SLC26A11: variants seen among roughly 807,000 people sequenced by gnomAD.
SLC26A11 encodes the protein sodium-independent sulfate anion transporter.
In SLC26A11, 58 loss-of-function variants were observed where a neutral mutation model predicts 62.2. That is an observed-to-expected ratio of 0.93 (90% CI 0.76 to 1.16). SLC26A11 has a LOEUF of 1.16. Among genes scored for constraint, SLC26A11 ranks in the 50% most tolerant of loss-of-function variants. SLC26A11 has a pLI of 0.00. For missense variants in SLC26A11, 790 were observed against 794.3 expected (o/e 0.99, Z 0.06); for synonymous variants, 411 against 368.9 (o/e 1.11, Z -1.31).
rs2042459896 is a variant in SLC26A11, at chr17:80,228,021, A to G, written c.736+61A>G. 6.7e-7 allele frequency: 1 copy of G among 1,491,434 alleles called. No homozygotes were observed. Among genetic ancestry groups the G allele is most frequent in the Middle Eastern group, 1.7e-4 (1 of 5,820 alleles). The allele number at this position is 1,491,434 out of a possible 1,614,324, so 92.4% of individuals were successfully genotyped here. ...GGCTGCAGGTTGGGGTCACTTGGGG[A>G]GTCCTAGTCCCACCCTAGGGATTCT... On this transcript the variant is annotated intron_variant, in intron 7 of 17. Transcript: ENST00000361193. The surrounding 1 kb of genome is among the most constrained non-coding windows in gnomAD (Gnocchi z 4.1).
At chr17:80,245,358 C>T (rs1227065904) in intron 11 of SLC26A11, 102 bp downstream of exon 11, 7 of 1,169,574 alleles carry the variant, frequency 6.0e-6, no homozygotes, top group South Asian at 5.1e-5. Flanking sequence ...CCCCGTCCTC[C>T]ACTGTGAACG....
rs185539824 is a variant in SLC26A11 at position 80,221,343 on chromosome 17, G to C, written c.-13-205G>C. The C allele has an allele frequency of 3.5e-3, 1,816 of 518,928 alleles. 6 individuals are homozygous for C. Among genetic ancestry groups the C allele is most frequent in the Non-Finnish European group, 5.0e-3 (1,476 of 296,176 alleles). 32.1% of individuals were successfully genotyped at this position (518,928 alleles called of 1,614,324 possible). The stretch of plus-strand genomic sequence containing the variant: ...GCACGGGGGGGATTCAGGGAGAGAG[G>C]GTGATGAGGGACGGGGTGGGCCTTC... On this transcript the variant is annotated intron_variant, in intron 2 of 17. Transcript: ENST00000361193.
At chr17:80,242,607 T>A (rs1251521780) in intron 10 of SLC26A11, among the ~76,000 whole-genome samples, 2 of 152,228 alleles carry the variant, frequency 1.3e-5, no homozygotes, top group African/African-American at 4.8e-5. Flanking sequence ...CCAAGTTGCC[T>A]GCCTGTGGAT....
At position 80,252,474 on chromosome 17, in the gene SLC26A11, T is replaced by TGGAG. The variant is rs772445244; in HGVS notation, c.1730-150_1730-147dup. ...TACAGAGACTCAGGTGAGACCCTCA[T>TGGAG]GGAGTTAGTGACACTGGCCTGGGTG... is the stretch of plus-strand genomic sequence containing the variant. On this transcript the variant is annotated intron_variant, in intron 17 of 17. Transcript: ENST00000361193. This position sits in a 1 kb window ranked among gnomAD's most constrained non-coding sequence, Gnocchi z 5.2. The TGGAG allele has an allele frequency of 1.2e-5, 7 of 586,184 alleles. No homozygotes were observed. The highest frequency in any genetic ancestry group is 2.1e-5 in the Non-Finnish European group (7 of 337,188). 36.3% of individuals were successfully genotyped at this position (586,184 alleles called of 1,614,324 possible). A position where few individuals can be genotyped will look rare whatever the true frequency, so the allele number is the denominator to read the frequency against.
intron 9 of SLC26A11, among the ~76,000 whole-genome samples, chr17:80,238,820 GTTTTTTGTTTT>G (rs1429318992): frequency 6.9e-5 from 6 of 87,366 alleles, no homozygotes; most frequent in Non-Finnish European, 1.4e-4. Context: ...AGTTTTTTTT[GTTTTTTGTTTT>G]TTTTTTTTTT....
At chr17:80,224,378 C>CAT (rs1567944273) in intron 5 of SLC26A11, among the ~76,000 whole-genome samples, 7 of 127,824 alleles carry the variant, frequency 5.5e-5, no homozygotes, top group Admixed American at 7.8e-5. Flanking sequence ...TGAGTGCGCG[C>CAT]GCGCGTGTGT....
rs1211963884 is a variant in SLC26A11, at chr17:80,241,808, G to A, written c.1023G>A (p.Glu341=). 4 of 1,614,172 alleles carry A rather than the reference G, an allele frequency of 2.5e-6. No individual in the cohort carries two copies. The highest frequency in any genetic ancestry group is 1.3e-5 in the African/African-American group (1 of 75,040). Residue 341 remains glutamate, a synonymous_variant, in exon 10 of 18, where the codon GAG becomes GAA. Coordinates refer to ENST00000361193, the MANE Select transcript of SLC26A11 (RefSeq NM_001166347.2). ...ATTACCGCATCGATGCCAACCAGGAGCTGCTGGCCATCGGTAAGACCCCAG... is the reference window on the plus strand; with the variant it reads ...ATTACCGCATCGATGCCAACCAGGAACTGCTGGCCATCGGTAAGACCCCAG... ...QNNYRIDANQ[E]LLAIGLTNML...
rs149490752 is a variant in SLC26A11, at chr17:80,246,660, G to A, written c.1294+11G>A. On this transcript the variant is annotated intron_variant, in intron 13 of 17. Coordinates refer to ENST00000361193, the MANE Select transcript of SLC26A11 (RefSeq NM_001166347.2). This position sits in a 1 kb window ranked among gnomAD's most constrained non-coding sequence, Gnocchi z 4.4. ...TCTGGCGTGTTAAGAGTACGTCCTTGTCCTACAGGGGAGAGCGCTGTGATG... is the reference window on the plus strand; with the variant it reads ...TCTGGCGTGTTAAGAGTACGTCCTTATCCTACAGGGGAGAGCGCTGTGATG... 453 of 1,612,600 alleles carry A rather than the reference G, an allele frequency of 2.8e-4. 2 individuals are homozygous for A. The African/African-American group carries it at 5.5e-3, about 19-fold the overall frequency.
rs1043470923 is a variant in SLC26A11, at chr17:80,248,687, G to C, written c.1522+13G>C. ...CGGGCCCTGGAAGGTGCATGGGCGG[G>C]GGTCAAGGTGGTCTGAGGTCACTCC... is the stretch of plus-strand genomic sequence containing the variant. On this transcript the variant is annotated intron_variant, in intron 15 of 17. Transcript: ENST00000361193. The C allele has an allele frequency of 1.9e-6, 3 of 1,557,440 alleles. No individual in the cohort carries two copies. The highest frequency in any genetic ancestry group is 1.9e-5 in the Admixed American group (1 of 52,004).
intron 14 of SLC26A11, 38 bp from the exon 15 acceptor site, chr17:80,248,537 C>A: frequency 6.5e-7 from 1 of 1,537,348 alleles, no homozygotes; most frequent in Non-Finnish European, 8.8e-7. Flanking sequence ...GGAGGCCACC[C>A]GGTCAGACCC....
chr17:80,251,143 A>AT lies in SLC26A11; in HGVS notation c.1657-184dup, dbSNP rs369392229. Among the ~76,000 whole-genome samples the AT allele has an allele frequency of 4.6e-5, 7 of 151,462 alleles. 1 individual carries two copies. Among genetic ancestry groups the AT allele is most frequent in the African/African-American group, 1.2e-4 (5 of 41,282 alleles). On this transcript the variant is annotated intron_variant, in intron 16 of 17. Transcript: ENST00000361193. Reference sequence around the variant, plus strand: ...AAGACCCTGTCTCAAAAAACAAAAAATTAAAAAAAAAAAAATCTTCCTCTG... The same window carrying AT: ...AAGACCCTGTCTCAAAAAACAAAAAATTTAAAAAAAAAAAAATCTTCCTCTG...
intron 9 of SLC26A11, among the ~76,000 whole-genome samples, chr17:80,238,820 G>GTTTTTTTTTTTTTTTT (rs1366044421): frequency 1.4e-4 from 12 of 87,366 alleles, no homozygotes; most frequent in African/African-American, 5.2e-4. Context: ...AGTTTTTTTT[G>GTTTTTTTTTTTTTTTT]TTTTTTGTTT....
chr17:80,229,942 G>A (rs144026679), intron 7 of SLC26A11, among the ~76,000 whole-genome samples: 5 of 152,020 alleles, frequency 3.3e-5, no homozygotes, highest in Admixed American at 6.5e-5. Context: ...GGTGGCTCAC[G>A]CCTGTAATCC....
intron 13 of SLC26A11, among the ~76,000 whole-genome samples, chr17:80,247,468 T>G (rs1242605276): frequency 2.0e-5 from 3 of 152,198 alleles, no homozygotes; most frequent in South Asian, 4.1e-4. Flanking sequence ...TCCTTTAACT[T>G]AACACATTTT....
chr17:80,252,628 A>C lies in SLC26A11; in HGVS notation c.1733A>C (p.Lys578Thr). The change falls in exon 18 of 18, where the codon AAG (lysine) becomes ACG (threonine). Residue 578 changes from lysine (K) to threonine (T), a missense_variant. Transcript: ENST00000361193. This position sits in a 1 kb window ranked among gnomAD's most constrained non-coding sequence, Gnocchi z 5.2. ...QYFSTLEEAE[K>T]HLRQEPGTQP... is the part of the protein sequence containing the mutation. ...ACATTTATTGTATTTTCTGCAGAGA[A>C]GCACCTGAGGCAGGAGCCAGGGACC... 1 of 1,613,760 alleles carries C rather than the reference A, an allele frequency of 6.2e-7. No individual in the cohort carries two copies. The highest frequency in any genetic ancestry group is 8.5e-7 in the Non-Finnish European group (1 of 1,179,832).
At position 80,222,499 on chromosome 17, in the gene SLC26A11, G is replaced by C; in HGVS notation, c.235-156G>C. On this transcript the variant is annotated intron_variant, in intron 3 of 17. Transcript: ENST00000361193. This position sits in a 1 kb window ranked among gnomAD's most constrained non-coding sequence, Gnocchi z 4.7. ...AGTGCTGCTAAAAAAGTGGCCTCCTGATCACTGCAGGTCCACCCACAGGGC... is the reference window on the plus strand; with the variant it reads ...AGTGCTGCTAAAAAAGTGGCCTCCTCATCACTGCAGGTCCACCCACAGGGC... 2 of 720,036 alleles carry C rather than the reference G, an allele frequency of 2.8e-6. No homozygotes were observed. Among genetic ancestry groups the C allele is most frequent in the East Asian group, 2.7e-5 (1 of 37,050 alleles). 44.6% of individuals were successfully genotyped at this position (720,036 alleles called of 1,614,324 possible). A position where few individuals can be genotyped will look rare whatever the true frequency, so the allele number is the denominator to read the frequency against.
At chr17:80,221,273 A>G (rs769205791) in intron 2 of SLC26A11, 158 bp downstream of exon 2, 9 of 428,678 alleles carry the variant, frequency 2.1e-5, no homozygotes, top group Non-Finnish European at 3.3e-5. Context: ...TCAGTTTCTT[A>G]TCTGGGAGAG....
At chr17:80,233,203 C>G (rs371144553) in intron 7 of SLC26A11, among the ~76,000 whole-genome samples, 2 of 151,500 alleles carry the variant, frequency 1.3e-5, no homozygotes, top group African/African-American at 4.8e-5. Flanking sequence ...GAGCCAAGAT[C>G]CGTCACTGAA....
At chr17:80,249,751 C>CAA (rs34836454) in intron 16 of SLC26A11, among the ~76,000 whole-genome samples, 1 of 151,036 alleles carries the variant, frequency 6.6e-6, no homozygotes, top group African/African-American at 2.4e-5. Context: ...ACTAAAAATA[C>CAA]AAAAAAAAAC....
Sources: allele counts gnomAD v4.1 joint callset (sites outside exome capture counted in the v4.1 genomes callset), GRCh38; gene constraint gnomAD v4.1.1; non-coding constraint Gnocchi (gnomAD v3.1); transcripts MANE v1.5; gene names NCBI Gene and HGNC (gene_info 2026-07-23, HGNC 2026-07-21).